The following HPCAL1 variants were observed in gnomAD, a reference collection of about 807,000 sequenced individuals.
HPCAL1 encodes hippocalcin like 1, also known as hippocalcin-like protein 1.
HPCAL1 carries 8 observed loss-of-function variants against 17.1 expected under a neutral mutation model. That is an observed-to-expected ratio of 0.47 (90% confidence interval 0.27 to 0.84). The LOEUF is 0.84. Ranked by LOEUF, HPCAL1 falls within the 40% of genes least tolerant of loss-of-function variation. The pLI, the probability that HPCAL1 is intolerant of heterozygous loss-of-function variation, is 0.13. For missense variants in HPCAL1, 165 were observed against 271.1 expected, an observed-to-expected ratio of 0.61 and a Z score of 2.75; for synonymous variants, 112 against 111.4, an observed-to-expected ratio of 1.01 and a Z score of -0.03.
chr2:10,363,507 C>A lies in HPCAL1; in HGVS notation c.-110-33328C>A, dbSNP rs1313901731. The stretch of plus-strand genomic sequence containing the variant: ...CCTCTTACATAGTCCTGCCTATACC[C>A]TCTACACGTGGCGTTTCAGGTCTGG... On this transcript the variant is annotated intron_variant, in intron 1 of 4. Coordinates refer to ENST00000307845, the MANE Select transcript of HPCAL1 (RefSeq NM_002149.4). The surrounding 1 kb of genome is among the most constrained non-coding windows in gnomAD (Gnocchi z 4.7). 6.6e-6 allele frequency among the ~76,000 whole-genome samples: 1 copy of A among 152,178 alleles called. No individual in the cohort carries two copies. Among genetic ancestry groups the A allele is most frequent in the East Asian group, 1.9e-4 (1 of 5,206 alleles).
chr2:10,350,531 C>T (rs997543547), intron 1 of HPCAL1, among the ~76,000 whole-genome samples: 2 of 152,014 alleles, frequency 1.3e-5, no homozygotes, highest in African/African-American at 4.8e-5. Context: ...TGGCTGGTCT[C>T]GAACTCCTGG....
chr2:10,374,196 C>T (rs539141863), intron 1 of HPCAL1, among the ~76,000 whole-genome samples: 98 of 152,128 alleles, frequency 6.4e-4, no homozygotes, highest in Non-Finnish European at 8.8e-4. Flanking sequence ...GCTGAGTCCT[C>T]GAGGTCAGTG....
At chr2:10,409,143 A>G (rs531937640) in intron 2 of HPCAL1, among the ~76,000 whole-genome samples, 1 of 152,308 alleles carries the variant, frequency 6.6e-6, no homozygotes, top group South Asian at 2.1e-4. Context: ...GGGCACATAT[A>G]TGAGTTCAGA....
chr2:10,317,254 A>C (rs939195708), intron 1 of HPCAL1, among the ~76,000 whole-genome samples: 2 of 152,166 alleles, frequency 1.3e-5, no homozygotes, highest in Non-Finnish European at 2.9e-5. Flanking sequence ...TGTTTTGCTT[A>C]ATTATGAATC....
intron 1 of HPCAL1, among the ~76,000 whole-genome samples, chr2:10,353,509 G>T (rs1665953101): frequency 1.3e-5 from 2 of 152,214 alleles, no homozygotes; most frequent in African/African-American, 4.8e-5. Flanking sequence ...TTTAGAGAAG[G>T]CAGGACTGAA....
At position 10,426,898 on chromosome 2, in the gene HPCAL1, C is replaced by T. The variant is rs1671445608; in HGVS notation, c.*77C>T. 1 of 1,353,236 alleles carries T rather than the reference C, an allele frequency of 7.4e-7. No individual in the cohort carries two copies. Among genetic ancestry groups the T allele is most frequent in the South Asian group, 1.2e-5 (1 of 85,646 alleles). The allele number at this position is 1,353,236 out of a possible 1,614,324, so 83.8% of individuals were successfully genotyped here. On this transcript the variant is annotated 3_prime_UTR_variant, in exon 5 of 5. Transcript: ENST00000307845. ...AAGCTTTGCTTGCAAGAGTGGATGC[C>T]CCGCAATCGTTCCTGCTCTCCCGGG...
At chr2:10,386,239 C>A (rs1363116440) in intron 1 of HPCAL1, among the ~76,000 whole-genome samples, 1 of 152,212 alleles carries the variant, frequency 6.6e-6, no homozygotes. Context: ...AAGAGCCCAC[C>A]ATGGCTCCCT....
At chr2:10,337,092 A>G (rs1018615217) in intron 1 of HPCAL1, among the ~76,000 whole-genome samples, 3 of 152,102 alleles carry the variant, frequency 2.0e-5, no homozygotes, top group Non-Finnish European at 4.4e-5. Context: ...CAGACGTGGG[A>G]ATGGCTATGT....
At chr2:10,422,477 C>T (rs889158100) in intron 3 of HPCAL1, among the ~76,000 whole-genome samples, 1 of 152,204 alleles carries the variant, frequency 6.6e-6, no homozygotes, top group African/African-American at 2.4e-5. Flanking sequence ...ACTGAGCCCT[C>T]GGCTGACAGT....
rs1666647387 is a variant in HPCAL1 at position 10,363,485 on chromosome 2, C to T, written c.-110-33350C>T. On this transcript the variant is annotated intron_variant, in intron 1 of 4. Coordinates refer to ENST00000307845, the MANE Select transcript of HPCAL1 (RefSeq NM_002149.4). This position sits in a 1 kb window ranked among gnomAD's most constrained non-coding sequence, Gnocchi z 4.7. ...CCAGAAGCGACCTTTCGGGATGCCT[C>T]TTACATAGTCCTGCCTATACCCTCT... is the stretch of plus-strand genomic sequence containing the variant. Among the ~76,000 whole-genome samples, 1 of 152,198 alleles carries T rather than the reference C, an allele frequency of 6.6e-6. No individual in the cohort carries two copies. The highest frequency in any genetic ancestry group is 2.1e-4 in the South Asian group (1 of 4,832).
Position 10,330,999 on chromosome 2 carries a change from G to A in HPCAL1, c.-111+27822G>A, listed in dbSNP as rs140600940. 1.3e-3 allele frequency among the ~76,000 whole-genome samples: 194 copies of A among 152,182 alleles called. No individual in the cohort carries two copies. Among genetic ancestry groups the A allele is most frequent in the Non-Finnish European group, 2.2e-3 (147 of 68,002 alleles). The stretch of plus-strand genomic sequence containing the variant: ...TTGCTTGTGCCTCCTTTGCAGCCCC[G>A]GCCTCTCCAGTTCTCTGTGTCTTGC... On this transcript the variant is annotated intron_variant, in intron 1 of 4. Transcript: ENST00000307845. The surrounding 1 kb of genome is among the most constrained non-coding windows in gnomAD (Gnocchi z 4.2).
chr2:10,358,168 T>C (rs1666293926), intron 1 of HPCAL1, among the ~76,000 whole-genome samples: 1 of 152,246 alleles, frequency 6.6e-6, no homozygotes, highest in South Asian at 2.1e-4. Context: ...CCGGCCCCAC[T>C]TTAATAAACA....
At chr2:10,357,560 G>C (rs116764206) in intron 1 of HPCAL1, among the ~76,000 whole-genome samples, 1 of 152,100 alleles carries the variant, frequency 6.6e-6, no homozygotes, top group Non-Finnish European at 1.5e-5. Context: ...TTTCCTCCGC[G>C]GAGTGTGTTA....
At chr2:10,404,889 A>G (rs1335864833) in intron 2 of HPCAL1, among the ~76,000 whole-genome samples, 2 of 152,024 alleles carry the variant, frequency 1.3e-5, no homozygotes, top group Non-Finnish European at 2.9e-5. Flanking sequence ...AGGGCTCGCC[A>G]GGCAGTGCAG....
chr2:10,396,478 A>G (rs1013628776), intron 1 of HPCAL1, among the ~76,000 whole-genome samples: 20 of 152,138 alleles, frequency 1.3e-4, no homozygotes, highest in African/African-American at 4.3e-4. Context: ...CCCAGGTGAC[A>G]ATGCTGTTGG....
chr2:10,398,052 A>T (rs1669173549), intron 2 of HPCAL1, among the ~76,000 whole-genome samples: 1 of 151,830 alleles, frequency 6.6e-6, no homozygotes, highest in African/African-American at 2.4e-5. Flanking sequence ...CCTCCCTCTC[A>T]TGGTCTCATG....
At chr2:10,379,314 G>A (rs1667791458) in intron 1 of HPCAL1, among the ~76,000 whole-genome samples, 1 of 151,788 alleles carries the variant, frequency 6.6e-6, no homozygotes, top group African/African-American at 2.4e-5. Context: ...AAATTGTGAG[G>A]ATGAGCGAGG....
At chr2:10,399,370 TCACCAC>T (rs1558518083) in intron 2 of HPCAL1, among the ~76,000 whole-genome samples, 2 of 1,408 alleles carry the variant, frequency 1.4e-3, no homozygotes, top group East Asian at 0.056. Context: ...ACTACCATCA[TCACCAC>T]CACCACCACC....
At chr2:10,424,845 C>T (rs1459358534) in intron 4 of HPCAL1, 3 of 340,658 alleles carry the variant, frequency 8.8e-6, no homozygotes, top group South Asian at 2.2e-5. Context: ...CTGGAGTTTG[C>T]CCCAACTTCC....
Sources: allele counts gnomAD v4.1 joint callset (sites outside exome capture counted in the v4.1 genomes callset), GRCh38; gene constraint gnomAD v4.1.1; non-coding constraint Gnocchi (gnomAD v3.1); transcripts MANE v1.5; gene names NCBI Gene and HGNC (gene_info 2026-07-23, HGNC 2026-07-21).